The following OBP2B variants were observed in gnomAD, a reference collection of about 807,000 sequenced individuals.
OBP2B encodes odorant binding protein 2B, also known as odorant-binding protein 2b.
OBP2B carries 10 observed loss-of-function variants against 21.7 expected under a neutral mutation model. The ratio of observed to expected loss-of-function variants is 0.46; its 90% CI spans 0.28 to 0.78. The LOEUF (loss-of-function observed/expected upper bound fraction) is 0.78, where lower values mean the gene tolerates loss of function less well. Among genes scored for constraint, OBP2B ranks in the 30% least tolerant of loss-of-function variants. The pLI is 0.11. For synonymous variants in OBP2B, 73 were observed against 91.5 expected (o/e 0.80, Z 1.16); for missense variants, 153 against 217.7 (o/e 0.70, Z 1.87).
upstream of OBP2B, among the ~76,000 whole-genome samples, chr9:133,210,002 TC>T (rs1478876143): frequency 3.3e-5 from 5 of 152,082 alleles, no homozygotes; most frequent in Non-Finnish European, 7.4e-5. Context: ...GAATATACAT[TC>T]CCCTCTCTCG....
At chr9:133,216,160 T>C in the OBP2B span, among the ~76,000 whole-genome samples, 1 of 151,290 alleles carries the variant, frequency 6.6e-6, no homozygotes, top group African/African-American at 2.4e-5. Context: ...AGCCAAAGAC[T>C]GAAAGAAAAT....
the OBP2B span, among the ~76,000 whole-genome samples, chr9:133,221,645 A>G: frequency 2.0e-5 from 3 of 152,244 alleles, no homozygotes; most frequent in Non-Finnish European, 4.4e-5. Context: ...TCTGAGCTTC[A>G]GTAACAGGCA....
intron 3 of OBP2B, 22 bp from the exon 4 acceptor site, chr9:133,207,358 G>A (rs199798305): frequency 6.7e-7 from 1 of 1,501,058 alleles, no homozygotes; most frequent in East Asian, 2.3e-5. Flanking sequence ...AGAGAAAATG[G>A]GTCATTCCCA....
chr9:133,207,764 CTCCCCATCCTTAACCCTCAGCT>C (rs1345038286), intron 3 of OBP2B: 16,789 of 1,016,718 alleles, frequency 0.017, 418 homozygotes, highest in African/African-American at 0.09. Flanking sequence ...AACCCTCAGC[CTCCCCATCCTTAACCCTCAGCT>C]TCCCCATCCT....
upstream of OBP2B, among the ~76,000 whole-genome samples, chr9:133,209,845 C>T (rs1368704276): frequency 6.6e-6 from 1 of 152,136 alleles, no homozygotes; most frequent in Non-Finnish European, 1.5e-5. This position sits in a 1 kb window ranked among gnomAD's most constrained non-coding sequence, Gnocchi z 6.0. Context: ...ATACGGCCTC[C>T]TCGGGCCATA....
At chr9:133,211,453 G>A (rs1797206849), upstream of OBP2B, among the ~76,000 whole-genome samples, 2 of 152,146 alleles carry the variant, frequency 1.3e-5, no homozygotes, top group African/African-American at 4.8e-5. Context: ...GTTGTAGATC[G>A]TTCCTGGTGC....
the OBP2B span, among the ~76,000 whole-genome samples, chr9:133,217,351 C>A: frequency 6.6e-6 from 1 of 152,176 alleles, no homozygotes; most frequent in African/African-American, 2.4e-5. Flanking sequence ...ATGGCCGGTT[C>A]CGAGGCAATG....
the OBP2B span, among the ~76,000 whole-genome samples, chr9:133,222,117 C>CATAT: frequency 6.6e-6 from 1 of 151,810 alleles, no homozygotes; most frequent in African/African-American, 2.4e-5. Context: ...TGTGTCAGTG[C>CATAT]GTATGTGCTG....
chr9:133,213,505 G>A (rs1833941100), upstream of OBP2B, among the ~76,000 whole-genome samples: 1 of 152,002 alleles, frequency 6.6e-6, no homozygotes, highest in Non-Finnish European at 1.5e-5. Context: ...ATGAAACAAG[G>A]GCTAGTTCTC....
intron 6 of OBP2B, 119 bp from the exon 7 acceptor site, chr9:133,205,530 G>A: frequency 4.4e-6 from 3 of 689,162 alleles, no homozygotes; most frequent in Non-Finnish European, 7.3e-6. Context: ...CAACCTCGGG[G>A]CTCCAGAGCG....
rs1181490113 is a variant in OBP2B, at chr9:133,206,432, C to T, written c.389-16G>A. The stretch of plus-strand genomic sequence containing the variant: ...GAATTCCTACCTGCAGGTGAGGTGG[C>T]CAGGTGAGCCGACGTGGGGACAGCG... On this transcript the variant is annotated splice_polypyrimidine_tract_variant and intron_variant, in intron 4 of 6. Transcript: ENST00000372034. 1 of 1,612,916 alleles carries T rather than the reference C, an allele frequency of 6.2e-7. No individual in the cohort carries two copies. The highest frequency in any genetic ancestry group is 2.2e-5 in the East Asian group (1 of 44,844).
At chr9:133,207,705 C>T (rs1412400503) in intron 3 of OBP2B, 3 of 555,828 alleles carry the variant, frequency 5.4e-6, no homozygotes, top group Admixed American at 4.8e-5. Context: ...TCGGCCTCCT[C>T]ATCCCTAACC....
chr9:133,209,228 C>G lies in OBP2B; in HGVS notation c.-29G>C. 6.4e-7 allele frequency: 1 copy of G among 1,562,632 alleles called. No individual in the cohort carries two copies. Among genetic ancestry groups the G allele is most frequent in the South Asian group, 1.2e-5 (1 of 86,240 alleles). On this transcript the variant is annotated 5_prime_UTR_variant, in exon 1 of 7. Transcript: ENST00000372034. The surrounding 1 kb of genome is among the most constrained non-coding windows in gnomAD (Gnocchi z 6.0). ...CAGAGCTCTGTGCTGCCGACCTCGG[C>G]AGGTCACTGGGCGTCTGAACAAGGC... is the stretch of plus-strand genomic sequence containing the variant.
upstream of OBP2B, among the ~76,000 whole-genome samples, chr9:133,211,866 T>C (rs2119408799): frequency 6.6e-6 from 1 of 152,344 alleles, no homozygotes; most frequent in East Asian, 1.9e-4. Context: ...ATGTTAATAA[T>C]TATATTAAAT....
chr9:133,214,565 T>A, the OBP2B span, among the ~76,000 whole-genome samples: 1 of 152,212 alleles, frequency 6.6e-6, no homozygotes, highest in Non-Finnish European at 1.5e-5. Flanking sequence ...TCATCCTGAT[T>A]TCAGCCGGGA....
chr9:133,220,994 C>G, the OBP2B span, among the ~76,000 whole-genome samples: 1 of 152,174 alleles, frequency 6.6e-6, no homozygotes, highest in African/African-American at 2.4e-5. Flanking sequence ...AGACTCCTGC[C>G]CAAGAGCCTC....
intron 3 of OBP2B, 23 bp downstream of exon 3, chr9:133,208,110 G>A: frequency 6.4e-7 from 1 of 1,557,742 alleles, no homozygotes; most frequent in East Asian, 2.4e-5. Flanking sequence ...GAGGGTGGGG[G>A]TGGGAGTGGG....
At chr9:133,214,531 G>A in the OBP2B span, among the ~76,000 whole-genome samples, 3 of 152,310 alleles carry the variant, frequency 2.0e-5, no homozygotes, top group East Asian at 3.9e-4. Context: ...GTCATTAATC[G>A]TCTGTCCAGA....
In OBP2B at chr9:133,208,169, T is replaced by A; in HGVS notation, c.241A>T (p.Met81Leu). Residue 81 changes from methionine (M) to leucine (L), a missense_variant, in exon 3 of 7, where the codon ATG becomes TTG. Transcript: ENST00000372034. Reference sequence around the variant, plus strand: ...TTGCCAGGCTCCTCCGTCTTCCGCATCAGGATTTTCTTCTGGATGCACCTA... The same window carrying A: ...TTGCCAGGCTCCTCCGTCTTCCGCAACAGGATTTTCTTCTGGATGCACCTA... ...EDRCIQKKIL[M>L]RKTEEPGKYS... The A allele has an allele frequency of 6.2e-7, 1 of 1,611,586 alleles. No homozygotes were observed.
Sources: gnomAD v4.1 joint callset for allele counts (sites outside exome capture counted in the v4.1 genomes callset) on GRCh38, gnomAD v4.1.1 for gene constraint, Gnocchi (gnomAD v3.1) non-coding constraint, MANE v1.5 for transcripts, NCBI Gene and HGNC (gene_info 2026-07-23, HGNC 2026-07-21) for gene names.